Variants in PSMD1 observed in about 807,000 individuals in gnomAD.
The protein encoded by PSMD1 is proteasome 26S subunit, non-ATPase 1, also known as 26S proteasome non-ATPase regulatory subunit 1.
PSMD1 carries 18 observed loss-of-function variants against 119.0 expected under a neutral mutation model. The ratio of observed to expected loss-of-function variants is 0.15; its 90% CI spans 0.10 to 0.22. The LOEUF (loss-of-function observed/expected upper bound fraction) is 0.22, where lower values mean the gene tolerates loss of function less well. PSMD1 is among the 10% of genes least tolerant of loss of function. PSMD1 has a pLI of 1.00. For synonymous variants in PSMD1, 374 were observed against 396.6 expected (o/e 0.94, Z 0.68); for missense variants, 702 against 1,158.5 (o/e 0.61, Z 5.72).
intron 16 of PSMD1, among the ~76,000 whole-genome samples, chr2:231,132,760 A>T (rs1470154291): frequency 6.6e-6 from 1 of 152,216 alleles, no homozygotes; most frequent in Non-Finnish European, 1.5e-5. Flanking sequence ...TGTTCTGTCT[A>T]CCACAACAAA....
intron 16 of PSMD1, among the ~76,000 whole-genome samples, chr2:231,090,143 T>C (rs13427126): frequency 1.3e-5 from 2 of 152,362 alleles, no homozygotes; most frequent in South Asian, 4.1e-4. Context: ...ACAAGGAGAT[T>C]AATGTTATTT....
At chr2:231,158,052 T>C (rs999311818) in intron 19 of PSMD1, among the ~76,000 whole-genome samples, 1 of 152,068 alleles carries the variant, frequency 6.6e-6, no homozygotes, top group African/African-American at 2.4e-5. Context: ...GGCTAACACC[T>C]GTAATCCCAG....
chr2:231,077,286 T>G (rs1189939685), intron 9 of PSMD1, 124 bp downstream of exon 9: 1 of 824,226 alleles, frequency 1.2e-6, no homozygotes, highest in African/African-American at 1.8e-5. Context: ...GAAAAAGTAT[T>G]TAAGTTTTGA....
chr2:231,122,709 A>G (rs1695586252), intron 16 of PSMD1, among the ~76,000 whole-genome samples: 1 of 152,092 alleles, frequency 6.6e-6, no homozygotes, highest in Non-Finnish European at 1.5e-5. Flanking sequence ...GTCAAACTAT[A>G]CCTTTTATTA....
At chr2:231,115,213 A>AGG (rs1329957458) in intron 16 of PSMD1, among the ~76,000 whole-genome samples, 1 of 151,722 alleles carries the variant, frequency 6.6e-6, no homozygotes, top group Non-Finnish European at 1.5e-5. Context: ...AGCATAATTT[A>AGG]GGGGCAGAGT....
intron 13 of PSMD1, 62 bp downstream of exon 13, chr2:231,083,056 T>TA: frequency 2.2e-5 from 27 of 1,236,738 alleles, no homozygotes; most frequent in Middle Eastern, 1.9e-4. Context: ...GTAATTACAT[T>TA]AGTTTCTACC....
intron 6 of PSMD1, among the ~76,000 whole-genome samples, chr2:231,071,373 A>C (rs1047352200): frequency 6.6e-6 from 1 of 152,076 alleles, no homozygotes; most frequent in South Asian, 2.1e-4. Context: ...ATGATGGGGT[A>C]TACAATGAAG....
At chr2:231,090,330 T>G (rs1389317886) in intron 16 of PSMD1, among the ~76,000 whole-genome samples, 2 of 152,136 alleles carry the variant, frequency 1.3e-5, no homozygotes, top group African/African-American at 2.4e-5. Flanking sequence ...TCACCCAAGA[T>G]CAGGAGTTTG....
At chr2:231,129,157 CTT>C (rs1695796979) in intron 16 of PSMD1, among the ~76,000 whole-genome samples, 1 of 152,122 alleles carries the variant, frequency 6.6e-6, no homozygotes, top group South Asian at 2.1e-4. Flanking sequence ...GTGATTAAAA[CTT>C]TTTGAGAATC....
intron 17 of PSMD1, among the ~76,000 whole-genome samples, chr2:231,141,704 T>G (rs995070146): frequency 1.3e-5 from 2 of 152,016 alleles, no homozygotes; most frequent in Non-Finnish European, 2.9e-5. Flanking sequence ...TTTGCCGAAA[T>G]GTAAGATCAC....
intron 16 of PSMD1, among the ~76,000 whole-genome samples, chr2:231,091,453 TCTC>T (rs1388852246): frequency 6.6e-6 from 1 of 152,234 alleles, no homozygotes; most frequent in African/African-American, 2.4e-5. Context: ...CCCTGACTGA[TCTC>T]CTACATCTCC....
At chr2:231,063,146 C>T (rs1043205773) in intron 4 of PSMD1, among the ~76,000 whole-genome samples, 12 of 152,064 alleles carry the variant, frequency 7.9e-5, no homozygotes, top group Admixed American at 5.9e-4. Flanking sequence ...AATTTAAAAC[C>T]TGGTTTTACT....
intron 18 of PSMD1, among the ~76,000 whole-genome samples, chr2:231,151,803 A>ATTTTTTTT (rs57347945): frequency 1.0e-5 from 1 of 95,638 alleles, no homozygotes; most frequent in Non-Finnish European, 1.9e-5. Flanking sequence ...AAACATGAGA[A>ATTTTTTTT]TTTTTTTTTT....
intron 16 of PSMD1, chr2:231,108,762 C>T (rs865839831): frequency 1.6e-5 from 26 of 1,613,954 alleles, no homozygotes; most frequent in Non-Finnish European, 2.1e-5. Flanking sequence ...GACTTTGTGG[C>T]CCGGTAATTG....
intron 16 of PSMD1, among the ~76,000 whole-genome samples, chr2:231,114,505 G>A (rs963371655): frequency 2.0e-5 from 3 of 152,122 alleles, no homozygotes; most frequent in African/African-American, 7.2e-5. Context: ...AATAAAGATT[G>A]CAAAAGGAAT....
At chr2:231,144,410 C>A (rs933337934) in intron 17 of PSMD1, among the ~76,000 whole-genome samples, 1 of 147,754 alleles carries the variant, frequency 6.8e-6, no homozygotes, top group Non-Finnish European at 1.5e-5. Context: ...CGCCACCACG[C>A]CCAGCTAATT....
At chr2:231,137,970 T>C (rs575783747) in intron 16 of PSMD1, among the ~76,000 whole-genome samples, 1 of 152,198 alleles carries the variant, frequency 6.6e-6, no homozygotes, top group Non-Finnish European at 1.5e-5. Flanking sequence ...TTTTCACAAC[T>C]GCATACACCT....
intron 16 of PSMD1, among the ~76,000 whole-genome samples, chr2:231,104,308 T>G (rs1694931516): frequency 6.6e-6 from 1 of 152,130 alleles, no homozygotes; most frequent in Admixed American, 6.6e-5. Flanking sequence ...AGTTCCCAGT[T>G]TCAGCAGCAG....
intron 7 of PSMD1, among the ~76,000 whole-genome samples, chr2:231,074,452 T>C (rs1036195202): frequency 2.0e-5 from 3 of 152,128 alleles, no homozygotes; most frequent in Non-Finnish European, 2.9e-5. Flanking sequence ...TCTTGCCTTC[T>C]CCTTTTCTTA....
Sources: gnomAD v4.1 joint callset for allele counts (sites outside exome capture counted in the v4.1 genomes callset) on GRCh38, gnomAD v4.1.1 for gene constraint, MANE v1.5 for transcripts, NCBI Gene and HGNC (gene_info 2026-07-23, HGNC 2026-07-21) for gene names.